Variants in PCDH10 observed in about 807,000 individuals in gnomAD.
PCDH10 encodes the protein protocadherin-10.
In PCDH10, 15 loss-of-function variants were observed where a neutral mutation model predicts 74.4. The observed-to-expected ratio is 0.20, with a 90% CI of 0.13 to 0.31. The LOEUF is 0.31. Among genes scored for constraint, PCDH10 ranks in the 10% least tolerant of loss-of-function variants. The probability of loss-of-function intolerance (pLI) is 1.00; values close to 1 mark genes in which losing one functional copy is unlikely to be tolerated. For synonymous variants in PCDH10, 619 were observed against 589.8 expected (o/e 1.05, Z -0.72); for missense variants, 1,260 against 1,390.2 (o/e 0.91, Z 1.49).
chr4:133,153,194 T>C (rs1183915860), intron 1 of PCDH10: 1 of 1,075,250 alleles, frequency 9.3e-7, no homozygotes, highest in Middle Eastern at 4.5e-4. Flanking sequence ...TATTTTGCTT[T>C]GTTTAACGAT....
In PCDH10 at chr4:133,170,792, G is replaced by T. The variant is rs181123708; in HGVS notation, c.3103+7510G>T. Among the ~76,000 whole-genome samples, 156 of 151,872 alleles carry T rather than the reference G, an allele frequency of 1.0e-3. 1 individual carries two copies. Among genetic ancestry groups the T allele is most frequent in the African/African-American group, 3.4e-3 (143 of 41,470 alleles). ...ACTGCCACCTCCACCTCCCGGGTTC[G>T]AGCGATTTTCCTGCATCAGCCTCCC... On this transcript the variant is annotated intron_variant, in intron 4 of 4. Coordinates refer to ENST00000264360, the MANE Select transcript of PCDH10 (RefSeq NM_032961.3).
intron 2 of PCDH10, among the ~76,000 whole-genome samples, chr4:133,203,375 A>T (rs1293061713): frequency 6.6e-6 from 1 of 152,064 alleles, no homozygotes; most frequent in Non-Finnish European, 1.5e-5. Flanking sequence ...TGCTTTAGAA[A>T]GCCTCAAATA....
chr4:133,179,970 G>T (rs1184514542), intron 4 of PCDH10, among the ~76,000 whole-genome samples: 1 of 151,682 alleles, frequency 6.6e-6, no homozygotes, highest in Non-Finnish European at 1.5e-5. Context: ...ATTAAAAAAA[G>T]CAAACTAAAA....
chr4:133,183,573 T>A (rs1727464330), intron 4 of PCDH10, among the ~76,000 whole-genome samples: 1 of 152,150 alleles, frequency 6.6e-6, no homozygotes, highest in Non-Finnish European at 1.5e-5. Context: ...GGTTTAAAAA[T>A]AAGCACTGAT....
chr4:133,163,503 G>A (rs1727018385), intron 4 of PCDH10, among the ~76,000 whole-genome samples: 1 of 151,990 alleles, frequency 6.6e-6, no homozygotes, highest in African/African-American at 2.4e-5. Context: ...TCAAAATATA[G>A]GACTATATTC....
intron 4 of PCDH10, among the ~76,000 whole-genome samples, chr4:133,169,511 A>G (rs937431549): frequency 4.0e-5 from 6 of 151,856 alleles, no homozygotes; most frequent in Non-Finnish European, 8.9e-5. Flanking sequence ...CATTATTTAT[A>G]TACCTCATTT....
In PCDH10 at chr4:133,190,458, C is replaced by CT. The variant is rs1174722157; in HGVS notation, c.*301dup. 2.8e-6 allele frequency: 1 copy of CT among 359,498 alleles called. No homozygotes were observed. The highest frequency in any genetic ancestry group is 5.0e-6 in the Non-Finnish European group (1 of 198,868). The allele number at this position is 359,498 out of a possible 1,614,324, so 22.3% of individuals were successfully genotyped here. On this transcript the variant is annotated 3_prime_UTR_variant, in exon 5 of 5. Transcript: ENST00000264360. Reference sequence around the variant, plus strand: ...TTCTCTCTCCAAATGTCACTGAGCCCTTTAGATGTTTATATTCACCACGAG... The same window carrying CT: ...TTCTCTCTCCAAATGTCACTGAGCCCTTTTAGATGTTTATATTCACCACGAG...
intron 3 of PCDH10, among the ~76,000 whole-genome samples, chr4:133,155,450 A>G (rs557273644): frequency 6.6e-6 from 1 of 152,346 alleles, no homozygotes; most frequent in East Asian, 1.9e-4. Context: ...GGATGATTGA[A>G]GACTAGAATC....
downstream of PCDH10, among the ~76,000 whole-genome samples, chr4:133,197,969 TTGTG>T (rs70957500): frequency 0.078 from 11,345 of 144,682 alleles, 1,357 homozygotes; most frequent in African/African-American, 0.26. Context: ...TCTCTCAAAA[TTGTG>T]TGTGTGTGTG....
intron 4 of PCDH10, among the ~76,000 whole-genome samples, chr4:133,180,931 A>C (rs190837202): frequency 2.0e-5 from 3 of 151,886 alleles, no homozygotes; most frequent in Admixed American, 2.0e-4. Flanking sequence ...TGATTTTTTT[A>C]AAGCTAAGTT....
chr4:133,194,901 A>G (rs1364038433), downstream of PCDH10, among the ~76,000 whole-genome samples: 1 of 151,954 alleles, frequency 6.6e-6, no homozygotes, highest in Non-Finnish European at 1.5e-5. Context: ...TTTCCACCTA[A>G]TGCTGTATTT....
chr4:133,185,740 C>T (rs755698314), intron 4 of PCDH10, among the ~76,000 whole-genome samples: 5 of 152,062 alleles, frequency 3.3e-5, no homozygotes, highest in East Asian at 1.9e-4. Flanking sequence ...CAGAGATATT[C>T]GAAGGGTGTC....
At chr4:133,206,121 A>C (rs13122589) in intron 2 of PCDH10, among the ~76,000 whole-genome samples, 23,934 of 152,022 alleles carry the variant, frequency 0.16, 2,173 homozygotes, top group East Asian at 0.27. Context: ...ATGTTTAGAC[A>C]TATTTTTCTT....
intron 4 of PCDH10, among the ~76,000 whole-genome samples, chr4:133,182,676 A>C (rs1001890356): frequency 3.9e-5 from 6 of 152,096 alleles, no homozygotes; most frequent in African/African-American, 1.4e-4. Context: ...CTAAATGTAC[A>C]CCAGCATAGG....
In PCDH10 at chr4:133,150,964, C is replaced by A. The variant is rs2125857628; in HGVS notation, c.824C>A (p.Thr275Asn). The A allele has an allele frequency of 3.1e-6, 5 of 1,614,016 alleles. No homozygotes were observed. In the East Asian group the frequency reaches 1.1e-4, roughly 36 times the overall value. ...ACTCTCGTGATCCAGCTCAACGCCA[C>A]CGACCCGGACGAGGGCCAGAACGGT... ...PGTLVIQLNATDPDEGQNGEV... is the reference protein window; with the variant it reads ...PGTLVIQLNANDPDEGQNGEV... Residue 275 changes from threonine to asparagine, a missense_variant, in exon 1 of 5, where the codon ACC (threonine) becomes AAC (asparagine). Thr to Asn is a moderately conservative substitution (Grantham distance 65). This residue lies in a region of PCDH10 where 192 missense variants were observed against 161.2 expected (regional missense o/e 1.19). Transcript: ENST00000264360.
chr4:133,173,136 A>G (rs1727231695), intron 4 of PCDH10, among the ~76,000 whole-genome samples: 1 of 152,040 alleles, frequency 6.6e-6, no homozygotes, highest in Admixed American at 6.6e-5. Flanking sequence ...GCAGATTAGA[A>G]GATTGTGACA....
chr4:133,171,883 A>G (rs1280301489), intron 4 of PCDH10, among the ~76,000 whole-genome samples: 1 of 152,054 alleles, frequency 6.6e-6, no homozygotes, highest in Non-Finnish European at 1.5e-5. Context: ...TTAGAAATGC[A>G]TATCAGATGA....
At position 133,183,718 on chromosome 4, in the gene PCDH10, A is replaced by G. The variant is rs1727467302; in HGVS notation, c.3104-6423A>G. Among the ~76,000 whole-genome samples, 2 of 152,120 alleles carry G rather than the reference A, an allele frequency of 1.3e-5. 1 individual carries two copies. The highest frequency in any genetic ancestry group is 4.8e-5 in the African/African-American group (2 of 41,448). On this transcript the variant is annotated intron_variant, in intron 4 of 4. Transcript: ENST00000264360. ...TTGCACACACTCTGCTAGGTGAGAA[A>G]ATTAGGATGGATCCATTTCTAATTC...
downstream of PCDH10, among the ~76,000 whole-genome samples, chr4:133,197,236 A>G (rs918663458): frequency 1.5e-4 from 23 of 152,232 alleles, no homozygotes; most frequent in Non-Finnish European, 8.8e-5. Flanking sequence ...CTTTCTGAAT[A>G]TGTATTTCCA....
Sources: allele counts gnomAD v4.1 joint callset (sites outside exome capture counted in the v4.1 genomes callset), GRCh38; gene constraint gnomAD v4.1.1; regional missense constraint gnomAD v4.1.1; transcripts MANE v1.5; gene names NCBI Gene and HGNC (gene_info 2026-07-23, HGNC 2026-07-21).